The following SULF1 variants were observed in gnomAD, a reference collection of about 807,000 sequenced individuals.
SULF1 encodes sulfatase 1.
A neutral mutation model predicts 110.5 loss-of-function variants in SULF1; 46 were observed. The observed-to-expected ratio is 0.42, with a 90% CI of 0.33 to 0.53. The LOEUF (loss-of-function observed/expected upper bound fraction) is 0.53, where lower values mean the gene tolerates loss of function less well. Among genes scored for constraint, SULF1 ranks in the 20% least tolerant of loss-of-function variants. The pLI, the probability that SULF1 is intolerant of heterozygous loss-of-function variation, is 0.12. For synonymous variants in SULF1, 371 were observed against 387.1 expected (o/e 0.96, Z 0.49); for missense variants, 941 against 1,094.2 (o/e 0.86, Z 1.98).
chr8:69,584,233 C>A (rs1806286416), intron 6 of SULF1, among the ~76,000 whole-genome samples: 1 of 152,164 alleles, frequency 6.6e-6, no homozygotes, highest in African/African-American at 2.4e-5. Flanking sequence ...AGACCATGAG[C>A]ATCTGTGAGG....
intron 12 of SULF1, 31 bp from the exon 13 acceptor site, chr8:69,604,772 C>T: frequency 1.9e-6 from 3 of 1,612,750 alleles, no homozygotes; most frequent in Non-Finnish European, 1.7e-6. Context: ...GATCACTTCT[C>T]ATGTACGAAG....
chr8:69,643,210 C>G (rs1389067329), intron 22 of SULF1, among the ~76,000 whole-genome samples: 2 of 152,170 alleles, frequency 1.3e-5, no homozygotes, highest in African/African-American at 4.8e-5. Context: ...ACTAAACACC[C>G]AAATGCAGTG....
intron 22 of SULF1, among the ~76,000 whole-genome samples, chr8:69,646,508 C>T (rs1811923843): frequency 6.6e-6 from 1 of 151,794 alleles, no homozygotes; most frequent in South Asian, 2.1e-4. Flanking sequence ...TCACTGCAAC[C>T]TCCATCTCCC....
At chr8:69,558,762 G>A (rs1300013352) in intron 3 of SULF1, among the ~76,000 whole-genome samples, 2 of 152,068 alleles carry the variant, frequency 1.3e-5, no homozygotes, top group Non-Finnish European at 2.9e-5. Flanking sequence ...GGTTGTCTCA[G>A]TATCCCTTTA....
Position 69,600,773 on chromosome 8 carries a change from T to C in SULF1, c.885+20T>C, listed in dbSNP as rs1807736914. On this transcript the variant is annotated intron_variant, in intron 9 of 22. Transcript: ENST00000402687. ...GAGAGGGTAAGCACATGAACCTACC[T>C]CAGTGATAGTTTTTGGCCCAGCTTC... 1.9e-6 allele frequency: 3 copies of C among 1,605,830 alleles called. No homozygotes were observed. In the East Asian group the frequency reaches 6.7e-5, roughly 36 times the overall value.
intron 10 of SULF1, among the ~76,000 whole-genome samples, 186 bp downstream of exon 10, chr8:69,602,015 A>C (rs1807856442): frequency 6.6e-6 from 1 of 152,212 alleles, no homozygotes; most frequent in South Asian, 2.1e-4. Context: ...CAAGTATACT[A>C]CTTAAAGAGA....
intron 19 of SULF1, among the ~76,000 whole-genome samples, chr8:69,630,114 G>A (rs1563608804): frequency 6.6e-6 from 1 of 152,008 alleles, no homozygotes. Flanking sequence ...TTAAATGCAG[G>A]GCCCATACTC....
chr8:69,588,881 T>C, intron 7 of SULF1, 91 bp from the exon 8 acceptor site: 1 of 1,316,412 alleles, frequency 7.6e-7, no homozygotes, highest in Non-Finnish European at 1.1e-6. Flanking sequence ...CTTCGTGCAG[T>C]GAATTGCTTC....
rs1491346034 is a variant in SULF1 at position 69,467,988 on chromosome 8, TTA to T, written c.-391+1039_-391+1040del. On this transcript the variant is annotated intron_variant, in intron 1 of 22. Transcript: ENST00000260128. ...TATATGCTATGTTTAATTTATAGTA[TTA>T]AAAAAAAGGCCTTTCAATTCAGGCT... Among the ~76,000 whole-genome samples, 381 of 77,240 alleles carry T rather than the reference TTA, an allele frequency of 4.9e-3. 2 individuals carry two copies. The highest frequency in any genetic ancestry group is 0.02 in the African/African-American group (365 of 18,594). 50.7% of individuals were successfully genotyped at this position (77,240 alleles called of 152,430 possible).
rs771140718 is a variant in SULF1 at position 69,624,148 on chromosome 8, G to C, written c.1801G>C (p.Asp601His). The change falls in exon 15 of 23, where the codon GAT (aspartate) becomes CAT (histidine). Residue 601 changes from aspartate to histidine, a missense_variant. By Grantham distance (81) the Asp-to-His change is moderately conservative. Coordinates refer to ENST00000402687, the MANE Select transcript of SULF1 (RefSeq NM_001128205.2). ...SGGNRGRMLADSSNAVGPPTT... is the reference protein window; with the variant it reads ...SGGNRGRMLAHSSNAVGPPTT... ...TGGCAACAGGGGCAGGATGCTGGCA[G>C]ATAGCAGCAACGCCGTGGGCCCACC... The C allele has an allele frequency of 9.3e-6, 15 of 1,611,200 alleles. No individual in the cohort carries two copies. The highest frequency in any genetic ancestry group is 1.7e-5 in the Admixed American group (1 of 59,850).
In SULF1 at chr8:69,626,268, G is replaced by C. The variant is rs181364819; in HGVS notation, c.1851-942G>C. On this transcript the variant is annotated intron_variant, in intron 15 of 22. Transcript: ENST00000402687. ...CCTGAGCTAGACATAAAGGTTCTCC[G>C]AGGCCCCACCAGAGCAGCTACATAC... Among the ~76,000 whole-genome samples the C allele has an allele frequency of 2.6e-3, 359 of 138,994 alleles. 2 individuals are homozygous for C. The highest frequency in any genetic ancestry group is 8.7e-3 in the East Asian group (40 of 4,616). The allele number at this position is 138,994 out of a possible 152,430, so 91.2% of individuals were successfully genotyped here.
chr8:69,563,836 G>T, intron 4 of SULF1, 80 bp from the exon 5 acceptor site: 1 of 795,518 alleles, frequency 1.3e-6, no homozygotes, highest in East Asian at 2.6e-5. Context: ...TGACTTATTT[G>T]TAGCCCTTTC....
chr8:69,518,356 C>T (rs958746569), intron 3 of SULF1, among the ~76,000 whole-genome samples: 5 of 152,256 alleles, frequency 3.3e-5, no homozygotes, highest in African/African-American at 1.2e-4. Flanking sequence ...CTGCCAATTC[C>T]ATCATCTCTG....
At chr8:69,600,847 A>AT in intron 9 of SULF1, 94 bp downstream of exon 9, 1 of 1,306,206 alleles carries the variant, frequency 7.7e-7, no homozygotes, top group Non-Finnish European at 1.0e-6. Context: ...TTTCCCCTTC[A>AT]TTTTCCAGCA....
At chr8:69,476,158 A>G (rs937538412) in intron 1 of SULF1, among the ~76,000 whole-genome samples, 3 of 152,170 alleles carry the variant, frequency 2.0e-5, no homozygotes, top group Non-Finnish European at 4.4e-5. Flanking sequence ...AGGCTGATTG[A>G]CATCCTTTCA....
At chr8:69,519,701 T>C (rs1009666175) in intron 3 of SULF1, among the ~76,000 whole-genome samples, 2 of 152,318 alleles carry the variant, frequency 1.3e-5, no homozygotes, top group Middle Eastern at 3.4e-3. Context: ...GATTTCTGCC[T>C]CTATGCAAGC....
chr8:69,539,662 TG>T (rs34052216), intron 3 of SULF1, among the ~76,000 whole-genome samples: 70,665 of 151,912 alleles, frequency 0.47, 16,846 homozygotes, highest in Middle Eastern at 0.56. Context: ...CTGTCCGATA[TG>T]CGCAGGGCAT....
At chr8:69,607,041 C>T (rs1261651744) in intron 13 of SULF1, among the ~76,000 whole-genome samples, 1 of 152,198 alleles carries the variant, frequency 6.6e-6, no homozygotes, top group Non-Finnish European at 1.5e-5. Flanking sequence ...GTATCCACAG[C>T]ACTAGTGAAT....
intron 3 of SULF1, among the ~76,000 whole-genome samples, chr8:69,512,714 C>T (rs1811654099): frequency 6.6e-6 from 1 of 152,072 alleles, no homozygotes; most frequent in South Asian, 2.1e-4. Context: ...TTTCCTCCTT[C>T]ACCTCCCCCC....
Sources: allele counts gnomAD v4.1 joint callset (sites outside exome capture counted in the v4.1 genomes callset), GRCh38; gene constraint gnomAD v4.1.1; transcripts MANE v1.5; gene names NCBI Gene and HGNC (gene_info 2026-07-23, HGNC 2026-07-21).